The following CPNE4 variants were observed in gnomAD, a reference collection of about 807,000 sequenced individuals.
CPNE4 encodes copine-4.
CPNE4 carries 25 observed loss-of-function variants against 67.9 expected under a neutral mutation model. The ratio of observed to expected loss-of-function variants is 0.37; its 90% CI spans 0.27 to 0.51. CPNE4 has a LOEUF of 0.51. Ranked by LOEUF, CPNE4 falls within the 20% of genes least tolerant of loss-of-function variation. The probability of loss-of-function intolerance (pLI) is 0.93; values close to 1 mark genes in which losing one functional copy is unlikely to be tolerated. For missense variants in CPNE4, 464 were observed against 690.8 expected, an observed-to-expected ratio of 0.67 and a Z score of 3.68; for synonymous variants, 242 against 244.9, an observed-to-expected ratio of 0.99 and a Z score of 0.11.
intron 7 of CPNE4, among the ~76,000 whole-genome samples, chr3:131,631,964 A>G (rs745927710): frequency 1.2e-4 from 18 of 148,752 alleles, no homozygotes; most frequent in Non-Finnish European, 2.4e-4. Flanking sequence ...GGCACCCTGT[A>G]GTCCCAGCTT....
At chr3:131,851,991 T>C (rs2107646218) in intron 2 of CPNE4, among the ~76,000 whole-genome samples, 1 of 152,134 alleles carries the variant, frequency 6.6e-6, no homozygotes, top group East Asian at 1.9e-4. Context: ...TTGACACCAG[T>C]CCACACCATG....
chr3:131,900,438 G>T (rs1476753874), intron 2 of CPNE4, among the ~76,000 whole-genome samples: 1 of 152,000 alleles, frequency 6.6e-6, no homozygotes, highest in African/African-American at 2.4e-5. Context: ...ATTTATTTTA[G>T]GCCCCCTCCA....
At chr3:131,966,751 C>CA (rs572931710) in intron 1 of CPNE4, among the ~76,000 whole-genome samples, 6 of 151,914 alleles carry the variant, frequency 3.9e-5, no homozygotes, top group African/African-American at 4.8e-5. Context: ...AACAAACAAA[C>CA]AAAAAAAGCC....
chr3:131,723,544 C>T lies in CPNE4; in HGVS notation c.262G>A (p.Val88Met). ...TGGACTTCAAACCGCAGGCGCTGCA[C>T]CTCCTCAAAGTAAAAGTCCACAGTA... ...LFTVDFYFEE[V>M]QRLRFEVHDI... The change falls in exon 3 of 16, where the codon GTG becomes ATG. Residue 88 changes from valine to methionine, a missense_variant. Physicochemically the swap from Val to Met is conservative, Grantham distance 21 (BLOSUM62 1). This residue lies in a region of CPNE4 where 170 missense variants were observed against 203.3 expected (regional missense o/e 0.84). Transcript: ENST00000429747. The T allele has an allele frequency of 1.2e-6, 2 of 1,614,052 alleles. No individual in the cohort carries two copies. The highest frequency in any genetic ancestry group is 1.7e-6 in the Non-Finnish European group (2 of 1,179,984).
intron 2 of CPNE4, among the ~76,000 whole-genome samples, chr3:131,815,645 AGGT>A (rs1385497311): frequency 6.6e-6 from 1 of 152,216 alleles, no homozygotes; most frequent in Non-Finnish European, 1.5e-5. Context: ...TCGAGAGACA[AGGT>A]GTTGGAACAA....
At chr3:131,726,269 C>T (rs575787497) in intron 2 of CPNE4, among the ~76,000 whole-genome samples, 130 of 152,322 alleles carry the variant, frequency 8.5e-4, no homozygotes, top group Non-Finnish European at 1.6e-3. Context: ...GTGGCATTCC[C>T]TTATAAAGTT....
At chr3:131,924,995 C>T (rs1242373478) in intron 1 of CPNE4, among the ~76,000 whole-genome samples, 2 of 152,164 alleles carry the variant, frequency 1.3e-5, no homozygotes, top group Non-Finnish European at 2.9e-5. Flanking sequence ...TTTTCAGGCA[C>T]AAGCACTGAT....
intron 2 of CPNE4, among the ~76,000 whole-genome samples, chr3:131,840,542 G>A (rs1343732317): frequency 6.6e-6 from 1 of 152,192 alleles, no homozygotes; most frequent in Non-Finnish European, 1.5e-5. Context: ...ATTTGTGTTA[G>A]TGCTGCAGTT....
chr3:131,721,581 G>C (rs1035031099), intron 3 of CPNE4, among the ~76,000 whole-genome samples: 3 of 152,016 alleles, frequency 2.0e-5, no homozygotes, highest in Non-Finnish European at 4.4e-5. Flanking sequence ...ATTTTTAGTA[G>C]AGACGGGGTT....
At chr3:131,631,861 T>C (rs1286793751) in intron 7 of CPNE4, among the ~76,000 whole-genome samples, 1 of 151,464 alleles carries the variant, frequency 6.6e-6, no homozygotes, top group Non-Finnish European at 1.5e-5. Flanking sequence ...GATAGGTGCT[T>C]TACACGTAAT....
At chr3:131,613,977 T>G (rs1417223240) in intron 7 of CPNE4, among the ~76,000 whole-genome samples, 1 of 152,198 alleles carries the variant, frequency 6.6e-6, no homozygotes, top group Admixed American at 6.5e-5. Flanking sequence ...TTTGGTGGAT[T>G]GTCATTTGGC....
chr3:131,913,825 A>G (rs558241345), intron 1 of CPNE4, among the ~76,000 whole-genome samples: 1 of 152,242 alleles, frequency 6.6e-6, no homozygotes, highest in African/African-American at 2.4e-5. Context: ...AATTCTCTAT[A>G]TCTGTTTTAC....
chr3:131,986,951 T>C (rs917074349), intron 1 of CPNE4, among the ~76,000 whole-genome samples: 12 of 151,872 alleles, frequency 7.9e-5, no homozygotes, highest in African/African-American at 2.9e-4. Context: ...CTAAGAATTT[T>C]CAAAAAGTCC....
chr3:131,774,967 C>A (rs1375988803), intron 2 of CPNE4, among the ~76,000 whole-genome samples: 1 of 152,048 alleles, frequency 6.6e-6, no homozygotes, highest in African/African-American at 2.4e-5. Context: ...ATTATTTTGG[C>A]TGATAAGAGA....
At chr3:131,817,906 C>T (rs996423849) in intron 2 of CPNE4, among the ~76,000 whole-genome samples, 2 of 152,196 alleles carry the variant, frequency 1.3e-5, no homozygotes, top group Non-Finnish European at 2.9e-5. Flanking sequence ...CTACTCACAT[C>T]TGAAAGGTTG....
intron 1 of CPNE4, among the ~76,000 whole-genome samples, chr3:131,920,376 T>C (rs972135596): frequency 6.6e-6 from 1 of 152,188 alleles, no homozygotes; most frequent in African/African-American, 2.4e-5. Context: ...AGTCACTCCT[T>C]AATTTGTGTT....
chr3:131,764,152 C>T (rs2082952841), intron 2 of CPNE4, among the ~76,000 whole-genome samples: 1 of 151,710 alleles, frequency 6.6e-6, no homozygotes, highest in Admixed American at 6.6e-5. Context: ...TTCTCAAACT[C>T]TATTTATGTT....
At chr3:131,915,350 T>C (rs1307758492) in intron 1 of CPNE4, among the ~76,000 whole-genome samples, 2 of 152,226 alleles carry the variant, frequency 1.3e-5, no homozygotes, top group Non-Finnish European at 2.9e-5. Context: ...GCTTAAAAAT[T>C]CACTTTACTT....
At chr3:131,688,717 CT>C (rs1427982528) in intron 5 of CPNE4, among the ~76,000 whole-genome samples, 6 of 151,902 alleles carry the variant, frequency 3.9e-5, no homozygotes, top group African/African-American at 1.2e-4. Context: ...GTTACCATCA[CT>C]TTTATTTAAA....
Sources: gnomAD v4.1 joint callset for allele counts (sites outside exome capture counted in the v4.1 genomes callset) on GRCh38, gnomAD v4.1.1 for gene constraint, gnomAD v4.1.1 regional missense constraint, MANE v1.5 for transcripts, NCBI Gene and HGNC (gene_info 2026-07-23, HGNC 2026-07-21) for gene names.